VPS37B: variants seen among roughly 807,000 people sequenced by gnomAD.
The protein encoded by VPS37B is VPS37B subunit of ESCRT-I.
VPS37B carries 11 observed loss-of-function variants against 21.2 expected under a neutral mutation model. The observed-to-expected ratio is 0.52, with a 90% CI of 0.33 to 0.86. VPS37B has a LOEUF of 0.86. Ranked by LOEUF, VPS37B falls within the 40% of genes least tolerant of loss-of-function variation. The pLI is 0.03. For synonymous variants in VPS37B, 175 were observed against 159.6 expected (o/e 1.10, Z -0.73); for missense variants, 389 against 374.8 (o/e 1.04, Z -0.31).
intron 1 of VPS37B, among the ~76,000 whole-genome samples, chr12:122,895,472 C>T (rs1426620515): frequency 2.0e-5 from 3 of 150,892 alleles, no homozygotes; most frequent in African/African-American, 4.9e-5. Context: ...TCCGACTCAG[C>T]CCTTATTACT....
At position 122,870,942 on chromosome 12, in the gene VPS37B, G is replaced by A; in HGVS notation, c.231C>T (p.Tyr77=). The part of the protein sequence containing the change: ...DTLKARLTQK[Y]QELQVLFEAY... ...CTTCAAAGAGAACCTGGAGTTCCTGGTATTTCTGGGTCAAGCGTGCTTTCA... is the reference window on the plus strand; with the variant it reads ...CTTCAAAGAGAACCTGGAGTTCCTGATATTTCTGGGTCAAGCGTGCTTTCA... Residue 77 remains tyrosine (Y), a synonymous_variant, in exon 2 of 4, where the codon TAC becomes TAT. Coordinates refer to ENST00000267202, the MANE Select transcript of VPS37B (RefSeq NM_024667.3). 1 of 1,614,130 alleles carries A rather than the reference G, an allele frequency of 6.2e-7. No homozygotes were observed. The highest frequency in any genetic ancestry group is 8.5e-7 in the Non-Finnish European group (1 of 1,180,018).
At chr12:122,875,363 C>T (rs2034129771) in intron 1 of VPS37B, 1 of 151,806 alleles carries the variant, frequency 6.6e-6, no homozygotes, top group Non-Finnish European at 1.5e-5. Flanking sequence ...GCATGAGCCA[C>T]CACACCCAGA....
intron 1 of VPS37B, chr12:122,885,776 C>T (rs1404168552): frequency 3.1e-4 from 44 of 143,760 alleles, no homozygotes; most frequent in African/African-American, 1.0e-3. Context: ...CTCCGCCTCC[C>T]GGGTTCACGC....
intron 1 of VPS37B, chr12:122,871,932 C>A: frequency 2.0e-6 from 2 of 985,438 alleles, no homozygotes; most frequent in Non-Finnish European, 2.4e-6. Context: ...GCCCAGCCGC[C>A]GCCACCTCAC....
chr12:122,870,696 C>T, intron 2 of VPS37B, 194 bp downstream of exon 2: 1 of 556,388 alleles, frequency 1.8e-6, no homozygotes, highest in East Asian at 3.6e-5. Flanking sequence ...CGCCACTGCA[C>T]TCCAGTCTGA....
intron 1 of VPS37B, among the ~76,000 whole-genome samples, chr12:122,894,542 G>A (rs1593929833): frequency 6.6e-6 from 1 of 152,202 alleles, no homozygotes; most frequent in South Asian, 2.1e-4. Flanking sequence ...CCCCCACACG[G>A]GCTCCTGGGT....
At chr12:122,888,334 C>T in intron 1 of VPS37B, 1 of 331,294 alleles carries the variant, frequency 3.0e-6, no homozygotes, top group South Asian at 2.4e-5. Flanking sequence ...AGAAATTCTA[C>T]AAAGGCATTT....
At chr12:122,895,828 T>C (rs1474458205) in intron 1 of VPS37B, 124 bp downstream of exon 1, 8 of 673,088 alleles carry the variant, frequency 1.2e-5, no homozygotes, top group Non-Finnish European at 1.9e-5. Context: ...AGCGCCCCCA[T>C]TTCTAGCCCA....
At chr12:122,878,731 G>A (rs1333936411) in intron 1 of VPS37B, 1 of 149,734 alleles carries the variant, frequency 6.7e-6, no homozygotes, top group Non-Finnish European at 1.5e-5. Context: ...CCGCCTCCCA[G>A]GTTCAAGCGA....
intron 1 of VPS37B, chr12:122,878,357 CAAAA>C (rs142113744): frequency 3.3e-5 from 2 of 61,376 alleles, no homozygotes; most frequent in Non-Finnish European, 7.1e-5. Context: ...GACTCCGTCT[CAAAA>C]AAAAAAAAAA....
rs1257556183 is a variant in VPS37B at position 122,867,830 on chromosome 12, C to G, written c.367-223G>C. ...GAGGACGACAGCCCTGCTGCGCACCCCACCACCAGCGTGACAGGCAGAGGA... is the reference window on the plus strand; with the variant it reads ...GAGGACGACAGCCCTGCTGCGCACCGCACCACCAGCGTGACAGGCAGAGGA... On this transcript the variant is annotated intron_variant, in intron 3 of 3. Transcript: ENST00000267202. The surrounding 1 kb of genome is among the most constrained non-coding windows in gnomAD (Gnocchi z 5.5). Among the ~76,000 whole-genome samples the G allele has an allele frequency of 6.6e-6, 1 of 152,212 alleles. No individual in the cohort carries two copies. Among genetic ancestry groups the G allele is most frequent in the Admixed American group, 6.5e-5 (1 of 15,288 alleles).
intron 1 of VPS37B, chr12:122,872,269 C>A (rs2034054274): frequency 3.0e-6 from 3 of 985,432 alleles, no homozygotes; most frequent in Non-Finnish European, 3.6e-6. Context: ...GAAAGAAGCC[C>A]TTGGATCCAT....
At chr12:122,889,115 AAGAC>A (rs1593924626) in intron 1 of VPS37B, 1 of 153,412 alleles carries the variant, frequency 6.5e-6, no homozygotes, top group East Asian at 1.9e-4. Flanking sequence ...CAAGGACAAA[AAGAC>A]AAACATGACA....
intron 1 of VPS37B, chr12:122,885,702 G>C: frequency 1.7e-5 from 1 of 58,012 alleles, no homozygotes; most frequent in East Asian, 4.8e-4. Context: ...TTTTTTTTTT[G>C]AGACGGAGTC....
At position 122,871,448 on chromosome 12, in the gene VPS37B, G is replaced by A. The variant is rs191007098; in HGVS notation, c.112-387C>T. Reference sequence around the variant, plus strand: ...TTCAAAACAAGTTTCTGCTGCTCCCGAGGAAGTTAAGGAATCACTTATCAG... The same window carrying A: ...TTCAAAACAAGTTTCTGCTGCTCCCAAGGAAGTTAAGGAATCACTTATCAG... On this transcript the variant is annotated intron_variant, in intron 1 of 3. Coordinates refer to ENST00000267202, the MANE Select transcript of VPS37B (RefSeq NM_024667.3). The A allele has an allele frequency of 2.8e-5, 28 of 992,578 alleles. No homozygotes were observed. The South Asian group carries it at 4.5e-4, about 16-fold the overall frequency. The allele number at this position is 992,578 out of a possible 1,614,324, so 61.5% of individuals were successfully genotyped here. A position where few individuals can be genotyped will look rare whatever the true frequency, so the allele number is the denominator to read the frequency against.
intron 1 of VPS37B, chr12:122,888,322 G>T (rs1179515484): frequency 2.1e-5 from 7 of 327,542 alleles, no homozygotes; most frequent in Non-Finnish European, 4.3e-5. Flanking sequence ...TCTTCCCTTG[G>T]AAGAAATTCT....
At chr12:122,887,142 T>C (rs1044488191) in intron 1 of VPS37B, 1 of 152,228 alleles carries the variant, frequency 6.6e-6, no homozygotes, top group Non-Finnish European at 1.5e-5. Context: ...GTCCAGTATA[T>C]GTCCTTGAAG....
chr12:122,875,810 G>A (rs1316724135), intron 1 of VPS37B: 9 of 138,092 alleles, frequency 6.5e-5, no homozygotes, highest in African/African-American at 2.5e-4. Context: ...GTAAATCTGA[G>A]AATGCTTAGA....
chr12:122,871,212 C>T, intron 1 of VPS37B, 151 bp from the exon 2 acceptor site: 1 of 1,404,028 alleles, frequency 7.1e-7, no homozygotes, highest in African/African-American at 1.4e-5. Context: ...TGCTACTGAC[C>T]CAGAGCCAAG....
Sources: gnomAD v4.1 joint callset for allele counts (sites outside exome capture counted in the v4.1 genomes callset) on GRCh38, gnomAD v4.1.1 for gene constraint, Gnocchi (gnomAD v3.1) non-coding constraint, MANE v1.5 for transcripts, NCBI Gene and HGNC (gene_info 2026-07-23, HGNC 2026-07-21) for gene names.